Variants in CALN1 observed in about 807,000 individuals in gnomAD.
CALN1 encodes the protein calcium-binding protein 8.
A neutral mutation model predicts 30.6 loss-of-function variants in CALN1; 17 were observed. The observed-to-expected ratio is 0.56, with a 90% CI of 0.38 to 0.83. CALN1 has a LOEUF of 0.83. CALN1 is among the 40% of genes least tolerant of loss of function. The pLI is 0.00. For synonymous variants in CALN1, 156 were observed against 131.4 expected (o/e 1.19, Z -1.28); for missense variants, 291 against 354.9 (o/e 0.82, Z 1.45).
chr7:72,273,627 T>C (rs1482594207), intron 3 of CALN1, among the ~76,000 whole-genome samples: 1 of 149,634 alleles, frequency 6.7e-6, no homozygotes, highest in East Asian at 2.0e-4. Context: ...CAGGCGATCC[T>C]CCCACCTCAG....
intron 5 of CALN1, among the ~76,000 whole-genome samples, chr7:71,901,593 T>G (rs1161246986): frequency 6.6e-6 from 1 of 152,006 alleles, no homozygotes; most frequent in Non-Finnish European, 1.5e-5. Flanking sequence ...TGGAACAGAA[T>G]AGAGAACCTG....
Position 71,865,828 on chromosome 7 carries a change from TTTAAAG to T in CALN1, c.502-55342_502-55337del, listed in dbSNP as rs200025796. Among the ~76,000 whole-genome samples the T allele has an allele frequency of 2.4e-4, 35 of 148,622 alleles. No individual in the cohort carries two copies. The East Asian group carries it at 6.3e-3, about 27-fold the overall frequency. ...ATTATACATTAGAGTCAATAAAGAG[TTTAAAG>T]TTAGTTTTGCAGAATAATATTTAAT... On this transcript the variant is annotated intron_variant, in intron 5 of 6. Coordinates refer to ENST00000395275, the MANE Select transcript of CALN1 (RefSeq NM_031468.4).
At chr7:72,487,350 T>C in the CALN1 span, among the ~76,000 whole-genome samples, 1 of 151,802 alleles carries the variant, frequency 6.6e-6, no homozygotes, top group African/African-American at 2.4e-5. Context: ...TGCTTGTGGG[T>C]GTTGAGACCA....
In CALN1 at chr7:71,916,499, A is replaced by G. The variant is rs1794695449; in HGVS notation, c.502-106007T>C. Reference sequence around the variant, plus strand: ...GAATACTATGCAACCATAAAAAGGAATGAGATCATGTCCTTGCCAGGAACA... The same window carrying G: ...GAATACTATGCAACCATAAAAAGGAGTGAGATCATGTCCTTGCCAGGAACA... On this transcript the variant is annotated intron_variant, in intron 5 of 6. Transcript: ENST00000395275. Among the ~76,000 whole-genome samples the G allele has an allele frequency of 3.9e-5, 6 of 152,142 alleles. No homozygotes were observed. The South Asian group carries it at 1.2e-3, about 32-fold the overall frequency.
At chr7:72,443,157 A>G (rs6959525) in intron 1 of CALN1, among the ~76,000 whole-genome samples, 20,731 of 152,140 alleles carry the variant, frequency 0.14, 2,509 homozygotes, top group East Asian at 0.31. Flanking sequence ...TATTTCTCTC[A>G]AGAGCGTGTG....
At chr7:72,227,409 G>A (rs555006693) in intron 3 of CALN1, among the ~76,000 whole-genome samples, 9 of 151,878 alleles carry the variant, frequency 5.9e-5, no homozygotes, top group East Asian at 5.8e-4. Flanking sequence ...GAGTGGTGAC[G>A]GGCGCCTGTA....
intron 3 of CALN1, among the ~76,000 whole-genome samples, chr7:72,254,764 T>C (rs1033133958): frequency 1.3e-5 from 2 of 152,072 alleles, no homozygotes; most frequent in African/African-American, 4.8e-5. Context: ...AAATATTCTT[T>C]TTCTTTCCCC....
intron 5 of CALN1, among the ~76,000 whole-genome samples, chr7:72,012,665 C>T (rs564448799): frequency 4.4e-4 from 67 of 152,322 alleles, no homozygotes; most frequent in African/African-American, 1.3e-3. Context: ...TCCTGCCTTG[C>T]GCCTCCTGCA....
At chr7:72,361,941 A>G (rs1346723023) in intron 2 of CALN1, among the ~76,000 whole-genome samples, 1 of 94,382 alleles carries the variant, frequency 1.1e-5, no homozygotes, top group Non-Finnish European at 3.2e-5. Context: ...ATCATATGAC[A>G]CATTTTTTTC....
chr7:72,025,932 T>C (rs1368742787), intron 4 of CALN1, among the ~76,000 whole-genome samples: 1 of 152,040 alleles, frequency 6.6e-6, no homozygotes, highest in Non-Finnish European at 1.5e-5. Flanking sequence ...AGAGGTAAAA[T>C]TTCCTAAAGG....
chr7:71,937,361 T>C (rs1268716564), intron 5 of CALN1, among the ~76,000 whole-genome samples: 1 of 151,952 alleles, frequency 6.6e-6, no homozygotes, highest in Non-Finnish European at 1.5e-5. Flanking sequence ...TATGTGTGTA[T>C]ATATGTAGAT....
chr7:71,955,527 T>G lies in CALN1; in HGVS notation c.501+68130A>C, dbSNP rs548828881. Among the ~76,000 whole-genome samples the G allele has an allele frequency of 1.4e-3, 213 of 152,202 alleles. 2 individuals are homozygous for G. The highest frequency in any genetic ancestry group is 6.8e-3 in the Middle Eastern group (2 of 294). On this transcript the variant is annotated intron_variant, in intron 5 of 6. Transcript: ENST00000395275. ...TCAGTGAATTTAGAGATTCCACACT[T>G]AAGTCAATGGCACAGCAGGGGTTCA...
chr7:72,374,747 A>G (rs1220249557), intron 2 of CALN1, among the ~76,000 whole-genome samples: 2 of 152,268 alleles, frequency 1.3e-5, no homozygotes, highest in African/African-American at 4.8e-5. Flanking sequence ...TGGAGATTTA[A>G]GCCAGTGCAA....
chr7:72,219,653 GCA>G (rs1174945931), intron 3 of CALN1, among the ~76,000 whole-genome samples: 3 of 149,558 alleles, frequency 2.0e-5, no homozygotes, highest in African/African-American at 4.9e-5. Context: ...ACACACACAC[GCA>G]CACACACCCT....
intron 6 of CALN1, among the ~76,000 whole-genome samples, chr7:71,800,561 G>C (rs1450005094): frequency 2.6e-5 from 4 of 152,118 alleles, no homozygotes; most frequent in African/African-American, 4.8e-5. Flanking sequence ...ACAACACTTG[G>C]GGGATGTGTC....
intron 3 of CALN1, among the ~76,000 whole-genome samples, chr7:72,248,780 A>G (rs1795356445): frequency 6.6e-6 from 1 of 151,954 alleles, no homozygotes; most frequent in Non-Finnish European, 1.5e-5. Context: ...TTCGGGGGAC[A>G]TTGTTCAGCC....
chr7:72,450,463 T>A (rs1187783277), upstream of CALN1, among the ~76,000 whole-genome samples: 1 of 152,196 alleles, frequency 6.6e-6, no homozygotes. Flanking sequence ...CAACAGAGGA[T>A]GGCACAGCAC....
intron 5 of CALN1, among the ~76,000 whole-genome samples, chr7:71,865,739 G>A (rs2116696130): frequency 6.6e-6 from 1 of 152,014 alleles, no homozygotes; most frequent in East Asian, 1.9e-4. Context: ...TTTAGTCAAG[G>A]GTATTGAGTT....
intron 2 of CALN1, among the ~76,000 whole-genome samples, chr7:72,327,190 G>A (rs764178111): frequency 3.3e-5 from 5 of 152,166 alleles, no homozygotes; most frequent in Non-Finnish European, 5.9e-5. Context: ...CACATCAATG[G>A]TTCTGAGTAA....
Sources: gnomAD v4.1 joint callset for allele counts (sites outside exome capture counted in the v4.1 genomes callset) on GRCh38, gnomAD v4.1.1 for gene constraint, MANE v1.5 for transcripts, NCBI Gene and HGNC (gene_info 2026-07-23, HGNC 2026-07-21) for gene names.